The following NEGR1 variants were observed in gnomAD, a reference collection of about 807,000 sequenced individuals.
The protein encoded by NEGR1 is IgLON family member 4.
A neutral mutation model predicts 40.9 loss-of-function variants in NEGR1; 10 were observed. The ratio of observed to expected loss-of-function variants is 0.24; its 90% CI spans 0.15 to 0.42. NEGR1 has a LOEUF of 0.42. Ranked by LOEUF, NEGR1 falls within the 10% of genes least tolerant of loss-of-function variation. The pLI, the probability that NEGR1 is intolerant of heterozygous loss-of-function variation, is 1.00. For synonymous variants in NEGR1, 185 were observed against 166.8 expected (o/e 1.11, Z -0.84); for missense variants, 352 against 438.9 (o/e 0.80, Z 1.77).
intron 6 of NEGR1, among the ~76,000 whole-genome samples, chr1:71,494,980 T>C (rs573551052): frequency 6.6e-6 from 1 of 152,306 alleles, no homozygotes; most frequent in South Asian, 2.1e-4. Context: ...TTTAGGATGG[T>C]TCACTTCCAC....
intron 1 of NEGR1, among the ~76,000 whole-genome samples, chr1:72,098,707 T>G (rs1189171256): frequency 6.6e-6 from 1 of 152,150 alleles, no homozygotes. Flanking sequence ...CTTACTGAAC[T>G]AAATCTTAGC....
intron 6 of NEGR1, among the ~76,000 whole-genome samples, chr1:71,535,253 C>T (rs1342514577): frequency 1.3e-5 from 2 of 151,554 alleles, no homozygotes; most frequent in South Asian, 2.1e-4. Flanking sequence ...TCAATTTCCT[C>T]GACTGTTTGG....
At position 71,402,470 on chromosome 1, in the gene NEGR1, C is replaced by T. The variant is rs550344645; in HGVS notation, c.*4976G>A. The T allele has an allele frequency of 3.9e-5, 6 of 152,104 alleles. No individual in the cohort carries two copies. The highest frequency in any genetic ancestry group is 9.7e-5 in the African/African-American group (4 of 41,428). 9.4% of individuals were successfully genotyped at this position (152,104 alleles called of 1,614,324 possible). On this transcript the variant is annotated 3_prime_UTR_variant, in exon 7 of 7. Transcript: ENST00000357731. ...AGAGCTTCTAGGGAGAAGAATGAAA[C>T]GTATTCCTCTTTTCCTTTTCTCTAG...
intron 1 of NEGR1, among the ~76,000 whole-genome samples, chr1:72,267,624 G>C (rs1476735944): frequency 6.6e-6 from 1 of 151,160 alleles, no homozygotes; most frequent in African/African-American, 2.4e-5. Flanking sequence ...TTGTGCATAG[G>C]CATGTTAAAA....
At position 71,986,539 on chromosome 1, in the gene NEGR1, T is replaced by C. The variant is rs558395483; in HGVS notation, c.177-51228A>G. ...TCTTTCCCCTTCTCCTCTCTCCCTT[T>C]TTCTGCCTTCCTCCAAGAATACATA... On this transcript the variant is annotated intron_variant, in intron 1 of 6. Transcript: ENST00000357731. Among the ~76,000 whole-genome samples, 3 of 152,288 alleles carry C rather than the reference T, an allele frequency of 2.0e-5. No individual in the cohort carries two copies. The East Asian group carries it at 5.8e-4, about 29-fold the overall frequency.
intron 3 of NEGR1, among the ~76,000 whole-genome samples, chr1:71,771,859 T>C (rs1386508735): frequency 1.3e-5 from 2 of 152,068 alleles, no homozygotes; most frequent in East Asian, 1.9e-4. Context: ...AAATCATCAG[T>C]TTGATCATCA....
intron 4 of NEGR1, among the ~76,000 whole-genome samples, chr1:71,667,338 G>A (rs534178139): frequency 6.6e-6 from 1 of 152,166 alleles, no homozygotes; most frequent in East Asian, 1.9e-4. Context: ...AATGAATTAA[G>A]CTCTTCTGTG....
In NEGR1 at chr1:72,103,856, A is replaced by G. The variant is rs896465750; in HGVS notation, c.177-168545T>C. On this transcript the variant is annotated intron_variant, in intron 1 of 6. Coordinates refer to ENST00000357731, the MANE Select transcript of NEGR1 (RefSeq NM_173808.3). Reference sequence around the variant, plus strand: ...TAGGGACGTATTTTAATGATCGTTCACTGTCTCTGGATCGAGTAGATTATT... The same window carrying G: ...TAGGGACGTATTTTAATGATCGTTCGCTGTCTCTGGATCGAGTAGATTATT... Among the ~76,000 whole-genome samples, 12 of 152,260 alleles carry G rather than the reference A, an allele frequency of 7.9e-5. No homozygotes were observed. In the East Asian group the frequency reaches 1.7e-3, roughly 22 times the overall value.
chr1:72,023,918 T>G (rs920205117), intron 1 of NEGR1, among the ~76,000 whole-genome samples: 1 of 152,152 alleles, frequency 6.6e-6, no homozygotes, highest in African/African-American at 2.4e-5. Flanking sequence ...ATAATCACAG[T>G]TATAGACAGA....
chr1:71,426,133 T>C (rs1557521709), intron 6 of NEGR1, among the ~76,000 whole-genome samples: 1 of 152,218 alleles, frequency 6.6e-6, no homozygotes, highest in East Asian at 1.9e-4. Flanking sequence ...AATTTAATTA[T>C]GTTTCCAATG....
intron 1 of NEGR1, among the ~76,000 whole-genome samples, chr1:72,059,517 T>C (rs921982920): frequency 6.6e-6 from 1 of 151,658 alleles, no homozygotes; most frequent in East Asian, 1.9e-4. Flanking sequence ...TTGTTTGAAG[T>C]TTAAAACTGT....
intron 4 of NEGR1, among the ~76,000 whole-genome samples, chr1:71,617,648 A>T (rs1031421110): frequency 1.3e-5 from 2 of 152,218 alleles, no homozygotes; most frequent in African/African-American, 4.8e-5. Context: ...ACACCGTGTC[A>T]TCCATAGATA....
At chr1:71,843,311 C>T (rs980835014) in intron 2 of NEGR1, among the ~76,000 whole-genome samples, 4 of 152,104 alleles carry the variant, frequency 2.6e-5, no homozygotes, top group Non-Finnish European at 5.9e-5. Context: ...GGAAACAGAA[C>T]ATTAAATTGA....
intron 6 of NEGR1, among the ~76,000 whole-genome samples, chr1:71,431,556 ATCTG>A (rs1429615359): frequency 1.2e-4 from 7 of 58,180 alleles, no homozygotes; most frequent in East Asian, 5.4e-4. Context: ...CCATCCATCC[ATCTG>A]TTTATCCATT....
At chr1:71,637,974 T>C (rs759545910) in intron 4 of NEGR1, among the ~76,000 whole-genome samples, 1 of 152,050 alleles carries the variant, frequency 6.6e-6, no homozygotes, top group Non-Finnish European at 1.5e-5. Context: ...AAACCCCATA[T>C]GTCTGGTGCT....
intron 1 of NEGR1, among the ~76,000 whole-genome samples, chr1:72,037,227 T>C (rs1477656078): frequency 6.6e-6 from 1 of 152,174 alleles, no homozygotes; most frequent in Non-Finnish European, 1.5e-5. Flanking sequence ...GATGTTGGAA[T>C]AGATATTTAG....
chr1:71,651,098 A>G (rs1337491923), intron 4 of NEGR1, among the ~76,000 whole-genome samples: 1 of 152,188 alleles, frequency 6.6e-6, no homozygotes, highest in Admixed American at 6.5e-5. Flanking sequence ...AGGAACTCAA[A>G]GAAAAACTAA....
At chr1:71,509,742 TG>T (rs1383454114) in intron 6 of NEGR1, among the ~76,000 whole-genome samples, 3 of 152,170 alleles carry the variant, frequency 2.0e-5, no homozygotes, top group African/African-American at 4.8e-5. Context: ...AAATAGCTGC[TG>T]GGTTTAAGTC....
intron 1 of NEGR1, among the ~76,000 whole-genome samples, chr1:72,161,224 G>C (rs1006881726): frequency 1.3e-5 from 2 of 151,982 alleles, no homozygotes; most frequent in African/African-American, 4.8e-5. Context: ...GCCATTCCTG[G>C]GGCACTGAAG....
Sources: allele counts gnomAD v4.1 joint callset (sites outside exome capture counted in the v4.1 genomes callset), GRCh38; gene constraint gnomAD v4.1.1; transcripts MANE v1.5; gene names NCBI Gene and HGNC (gene_info 2026-07-23, HGNC 2026-07-21).